KAZN: variants seen among roughly 807,000 people sequenced by gnomAD.
The protein encoded by KAZN is kazrin, periplakin interacting protein.
KAZN carries 40 observed loss-of-function variants against 87.4 expected under a neutral mutation model. That is an observed-to-expected ratio of 0.46 (90% CI 0.36 to 0.60). KAZN has a LOEUF of 0.60. Among genes scored for constraint, KAZN ranks in the 20% least tolerant of loss-of-function variants. The probability of loss-of-function intolerance (pLI) is 0.00; values close to 1 mark genes in which losing one functional copy is unlikely to be tolerated. For synonymous variants in KAZN, 466 were observed against 458.3 expected, an observed-to-expected ratio of 1.02 and a Z score of -0.22; for missense variants, 898 against 1,073.9, an observed-to-expected ratio of 0.84 and a Z score of 2.29.
chr1:14,823,157 C>G (rs148438266), intron 1 of KAZN, among the ~76,000 whole-genome samples: 5 of 152,180 alleles, frequency 3.3e-5, no homozygotes, highest in Admixed American at 6.5e-5. Flanking sequence ...TGGGAAGGCC[C>G]GTCGCCTCGG....
At chr1:14,255,951 G>A (rs1650478372) in intron 2 of KAZN, among the ~76,000 whole-genome samples, 1 of 152,136 alleles carries the variant, frequency 6.6e-6, no homozygotes, top group South Asian at 2.1e-4. Flanking sequence ...AAAATGGTTA[G>A]AACTGAGCTA....
At chr1:14,138,595 C>T (rs148246348) in intron 1 of KAZN, among the ~76,000 whole-genome samples, 2 of 152,108 alleles carry the variant, frequency 1.3e-5, no homozygotes, top group African/African-American at 2.4e-5. Flanking sequence ...TGGACATCTC[C>T]GCATTGTTGG....
intron 2 of KAZN, among the ~76,000 whole-genome samples, chr1:14,239,455 CTT>C (rs386366265): frequency 8.4e-5 from 8 of 95,698 alleles, no homozygotes; most frequent in African/African-American, 1.6e-4. Flanking sequence ...AGTTGGGTTT[CTT>C]TTTTTTTTTT....
intron 1 of KAZN, among the ~76,000 whole-genome samples, chr1:14,140,785 C>A (rs1042759945): frequency 1.3e-5 from 2 of 152,042 alleles, no homozygotes; most frequent in African/African-American, 4.8e-5. Flanking sequence ...ATTATAACGA[C>A]TTCTAAGGAC....
chr1:14,816,697 G>A (rs1028663354), intron 1 of KAZN, among the ~76,000 whole-genome samples: 1 of 152,038 alleles, frequency 6.6e-6, no homozygotes, highest in African/African-American at 2.4e-5. Flanking sequence ...GATATAAATA[G>A]ATAATGATAA....
chr1:13,955,039 G>A (rs941929242), intron 1 of KAZN, among the ~76,000 whole-genome samples: 14 of 152,156 alleles, frequency 9.2e-5, no homozygotes, highest in Admixed American at 2.6e-4. Flanking sequence ...GGCACTGTGT[G>A]TGTATGTAAA....
chr1:14,051,161 T>C (rs1246343884), intron 1 of KAZN, among the ~76,000 whole-genome samples: 4 of 152,190 alleles, frequency 2.6e-5, no homozygotes, highest in Non-Finnish European at 2.9e-5. Flanking sequence ...ATAGAATTCT[T>C]GCTGAACTGA....
intron 2 of KAZN, among the ~76,000 whole-genome samples, chr1:14,494,404 A>T (rs1478479744): frequency 6.6e-6 from 1 of 151,968 alleles, no homozygotes; most frequent in African/African-American, 2.4e-5. Context: ...CTTAATACTC[A>T]TGTTTTTGAA....
intron 2 of KAZN, among the ~76,000 whole-genome samples, chr1:14,555,170 G>A (rs1419772518): frequency 6.6e-6 from 1 of 152,118 alleles, no homozygotes; most frequent in Non-Finnish European, 1.5e-5. Context: ...AATTGAGTGG[G>A]GACACAGAGC....
chr1:14,280,353 AGAGT>A (rs1652748995), intron 2 of KAZN, among the ~76,000 whole-genome samples: 1 of 134,746 alleles, frequency 7.4e-6, no homozygotes. Context: ...CCTGGGTGAC[AGAGT>A]GAGACTCCAT....
chr1:15,104,293 G>C, intron 13 of KAZN, 104 bp downstream of exon 13: 3 of 1,174,394 alleles, frequency 2.6e-6, no homozygotes, highest in Non-Finnish European at 3.5e-6. Flanking sequence ...ATCACTTACT[G>C]CCTCCCACTC....
intron 8 of KAZN, among the ~76,000 whole-genome samples, chr1:15,070,950 G>A (rs1414911284): frequency 6.6e-6 from 1 of 152,194 alleles, no homozygotes; most frequent in East Asian, 1.9e-4. Context: ...TCCACTGGGC[G>A]GGGCAAAATA....
At chr1:14,201,363 T>A (rs1474331505) in intron 2 of KAZN, among the ~76,000 whole-genome samples, 1 of 152,212 alleles carries the variant, frequency 6.6e-6, no homozygotes, top group African/African-American at 2.4e-5. Context: ...AGCGAGCTGT[T>A]AATGCACCCA....
In KAZN at chr1:14,184,670, G is replaced by C. The variant is rs1258402779; in HGVS notation, c.249+4078G>C. Among the ~76,000 whole-genome samples, 2 of 152,064 alleles carry C rather than the reference G, an allele frequency of 1.3e-5. No homozygotes were observed. Among genetic ancestry groups the C allele is most frequent in the East Asian group, 3.9e-4 (2 of 5,180 alleles). On this transcript the variant is annotated intron_variant, in intron 2 of 16. Transcript: ENST00000636203. The surrounding 1 kb of genome is among the most constrained non-coding windows in gnomAD (Gnocchi z 4.2). ...TCTAGATGATTGTGCTTTCCAATTG[G>C]TTTCTGGCAAAACTGGGCCGATTGA...
intron 1 of KAZN, among the ~76,000 whole-genome samples, chr1:14,664,160 T>C (rs913950266): frequency 6.6e-6 from 1 of 152,170 alleles, no homozygotes; most frequent in African/African-American, 2.4e-5. Context: ...TGGCCGGGCG[T>C]AGTGGCTCAC....
intron 1 of KAZN, among the ~76,000 whole-genome samples, chr1:14,934,156 G>A (rs994826230): frequency 6.1e-5 from 9 of 148,170 alleles, no homozygotes; most frequent in Non-Finnish European, 1.2e-4. Context: ...CGCCCAGCCA[G>A]GATGTACCTT....
intron 2 of KAZN, among the ~76,000 whole-genome samples, chr1:14,439,076 C>G (rs1464413809): frequency 6.6e-6 from 1 of 152,232 alleles, no homozygotes; most frequent in Non-Finnish European, 1.5e-5. Context: ...ACTCAGTGCT[C>G]TACTGGGATT....
intron 1 of KAZN, among the ~76,000 whole-genome samples, chr1:13,933,242 C>A (rs1157008904): frequency 6.6e-6 from 1 of 151,814 alleles, no homozygotes; most frequent in Non-Finnish European, 1.5e-5. Flanking sequence ...TCTGTAATAC[C>A]AGCACTTTGG....
At chr1:14,691,254 G>A (rs1049917493) in intron 1 of KAZN, among the ~76,000 whole-genome samples, 5 of 152,022 alleles carry the variant, frequency 3.3e-5, no homozygotes, top group Non-Finnish European at 5.9e-5. Context: ...TTATGTGGTC[G>A]ATTTCTTAAC....
Sources: allele counts gnomAD v4.1 joint callset (sites outside exome capture counted in the v4.1 genomes callset), GRCh38; gene constraint gnomAD v4.1.1; non-coding constraint Gnocchi (gnomAD v3.1); transcripts MANE v1.5; gene names NCBI Gene and HGNC (gene_info 2026-07-23, HGNC 2026-07-21).